EML6: variants seen among roughly 807,000 people sequenced by gnomAD.
EML6 encodes echinoderm microtubule-associated protein-like 6.
In EML6, 154 loss-of-function variants were observed where a neutral mutation model predicts 240.1. The observed-to-expected ratio is 0.64, with a 90% confidence interval of 0.56 to 0.73. The LOEUF (loss-of-function observed/expected upper bound fraction) is 0.73. Among genes scored for constraint, EML6 ranks in the 30% least tolerant of loss-of-function variants. The pLI, the probability that EML6 is intolerant of heterozygous loss-of-function variation, is 0.00. For synonymous variants in EML6, 1,148 were observed against 899.0 expected (o/e 1.28, Z -4.95); for missense variants, 2,964 against 2,474.6 (o/e 1.20, Z -4.20).
intron 22 of EML6, among the ~76,000 whole-genome samples, chr2:54,900,945 G>A (rs889411917): frequency 2.0e-5 from 3 of 152,158 alleles, no homozygotes; most frequent in Non-Finnish European, 4.4e-5. Context: ...AAGAGGGAAG[G>A]ATGAAATTGA....
intron 2 of EML6, among the ~76,000 whole-genome samples, chr2:54,738,395 A>C (rs1325875922): frequency 6.6e-6 from 1 of 152,208 alleles, no homozygotes; most frequent in Non-Finnish European, 1.5e-5. Context: ...TCAGAATAAT[A>C]GGCTTGTTTG....
rs927097298 is a variant in EML6 at position 54,871,518 on chromosome 2, A to C, written c.2257A>C (p.Ile753Leu). ...ATGQVGRDAA[I>L]HVWDTQTLKC... ...ATTTAAGGTTGGAAGAGATGCTGCTATTCATGTGTGGGACACACAAACTCT... is the reference window on the plus strand; with the variant it reads ...ATTTAAGGTTGGAAGAGATGCTGCTCTTCATGTGTGGGACACACAAACTCT... Residue 753 changes from isoleucine to leucine, a missense_variant, in exon 16 of 42, where the codon ATT (isoleucine) becomes CTT (leucine). Ile to Leu is a conservative substitution (Grantham distance 5). Coordinates refer to ENST00000356458, the MANE Select transcript of EML6 (RefSeq NM_001039753.4). 1.3e-6 allele frequency: 2 copies of C among 1,551,538 alleles called. No individual in the cohort carries two copies. The highest frequency in any genetic ancestry group is 2.0e-5 in the Admixed American group (1 of 51,016).
intron 2 of EML6, among the ~76,000 whole-genome samples, chr2:54,752,039 TAAGG>T (rs1417610632): frequency 2.6e-5 from 4 of 152,166 alleles, no homozygotes; most frequent in Non-Finnish European, 5.9e-5. Context: ...TTTCCCACCT[TAAGG>T]ATGAGTGCAC....
At chr2:54,940,991 G>A (rs1442986742) in intron 28 of EML6, among the ~76,000 whole-genome samples, 2 of 152,148 alleles carry the variant, frequency 1.3e-5, no homozygotes, top group African/African-American at 2.4e-5. Flanking sequence ...ACGAGAAAAC[G>A]GGAAGGATGT....
chr2:54,813,000 C>T (rs1317861904), intron 2 of EML6, among the ~76,000 whole-genome samples: 1 of 152,188 alleles, frequency 6.6e-6, no homozygotes, highest in Admixed American at 6.5e-5. Flanking sequence ...ACCTAATTTT[C>T]AAGGTAACCA....
At chr2:54,818,242 G>A (rs1395434710) in intron 4 of EML6, among the ~76,000 whole-genome samples, 8 of 149,360 alleles carry the variant, frequency 5.4e-5, no homozygotes, top group Non-Finnish European at 3.0e-5. Context: ...ACTTTGGCTT[G>A]TATAGAAAGA....
intron 27 of EML6, 32 bp from the exon 28 acceptor site, chr2:54,928,593 A>G: frequency 3.2e-6 from 5 of 1,551,846 alleles, no homozygotes; most frequent in African/African-American, 1.4e-5. Flanking sequence ...CTGCAAACCA[A>G]CTGGCTCCCC....
intron 29 of EML6, among the ~76,000 whole-genome samples, chr2:54,949,621 TG>T (rs1265085839): frequency 3.9e-5 from 6 of 152,204 alleles, no homozygotes; most frequent in Non-Finnish European, 8.8e-5. Context: ...CATGCCCCAA[TG>T]CCTCCAGAGT....
intron 28 of EML6, among the ~76,000 whole-genome samples, chr2:54,942,492 G>A (rs1254152186): frequency 6.6e-6 from 1 of 152,078 alleles, no homozygotes; most frequent in Non-Finnish European, 1.5e-5. Flanking sequence ...GTCAATTAGT[G>A]TGTGGTCAGG....
chr2:54,874,441 G>A (rs563976414), intron 16 of EML6, among the ~76,000 whole-genome samples: 28 of 152,284 alleles, frequency 1.8e-4, no homozygotes, highest in Admixed American at 6.5e-4. Flanking sequence ...CATAAGAAGG[G>A]TATTTCAGTA....
At chr2:54,933,516 A>C (rs893198822) in intron 28 of EML6, among the ~76,000 whole-genome samples, 1 of 152,172 alleles carries the variant, frequency 6.6e-6, no homozygotes, top group African/African-American at 2.4e-5. Context: ...GGCAGATTAC[A>C]TGAGGCCAGG....
chr2:54,843,941 T>A (rs570071064), intron 7 of EML6, 106 bp from the exon 8 acceptor site: 32 of 860,754 alleles, frequency 3.7e-5, no homozygotes, highest in Non-Finnish European at 5.7e-5. Flanking sequence ...GTATCCTGGT[T>A]AAAGGGCATT....
intron 24 of EML6, among the ~76,000 whole-genome samples, chr2:54,904,327 A>G (rs913970069): frequency 4.6e-5 from 7 of 151,990 alleles, no homozygotes; most frequent in Non-Finnish European, 1.0e-4. Flanking sequence ...TATCCTCAAG[A>G]CTCGGCTGAT....
At chr2:54,924,028 A>T (rs555888227) in intron 26 of EML6, among the ~76,000 whole-genome samples, 1 of 152,222 alleles carries the variant, frequency 6.6e-6, no homozygotes, top group African/African-American at 2.4e-5. Flanking sequence ...CCATATTCCT[A>T]TGATGAACAT....
intron 3 of EML6, among the ~76,000 whole-genome samples, chr2:54,815,315 T>C (rs1448678740): frequency 6.6e-6 from 1 of 152,182 alleles, no homozygotes; most frequent in Non-Finnish European, 1.5e-5. Context: ...TTTCCTGGCT[T>C]GTTGATGGCT....
At chr2:54,964,228 A>T in intron 37 of EML6, 70 bp downstream of exon 37, 1 of 1,467,232 alleles carries the variant, frequency 6.8e-7, no homozygotes, top group Non-Finnish European at 9.1e-7. Flanking sequence ...TTCCCATTCC[A>T]GCCACGGCTG....
chr2:54,787,615 A>C (rs1669161720), intron 2 of EML6, among the ~76,000 whole-genome samples: 2 of 152,214 alleles, frequency 1.3e-5, no homozygotes, highest in Non-Finnish European at 2.9e-5. Context: ...AATGTCACTG[A>C]ATGATTAATA....
intron 5 of EML6, among the ~76,000 whole-genome samples, chr2:54,824,566 T>C (rs927311008): frequency 7.2e-5 from 11 of 152,300 alleles, no homozygotes; most frequent in Admixed American, 5.9e-4. Flanking sequence ...CATCTGAAAT[T>C]TGTATAGCTA....
intron 2 of EML6, among the ~76,000 whole-genome samples, chr2:54,786,805 T>C (rs1458477956): frequency 6.6e-6 from 1 of 152,224 alleles, no homozygotes; most frequent in Non-Finnish European, 1.5e-5. Context: ...GTTCTCCCCT[T>C]TCCTCGGAAT....
Sources: gnomAD v4.1 joint callset for allele counts (sites outside exome capture counted in the v4.1 genomes callset) on GRCh38, gnomAD v4.1.1 for gene constraint, MANE v1.5 for transcripts, NCBI Gene and HGNC (gene_info 2026-07-23, HGNC 2026-07-21) for gene names.